SGCZ: variants seen among roughly 807,000 people sequenced by gnomAD.
SGCZ encodes sarcoglycan zeta, also known as zeta-sarcoglycan.
Under a neutral mutation model 41.3 loss-of-function variants are expected in SGCZ, and 40 were observed. That is an observed-to-expected ratio of 0.97 (90% CI 0.75 to 1.26). SGCZ has a LOEUF of 1.26. Ranked by LOEUF, SGCZ falls within the 50% of genes most tolerant of loss-of-function variation. SGCZ has a pLI of 0.00. For synonymous variants in SGCZ, 206 were observed against 137.5 expected, an observed-to-expected ratio of 1.50 and a Z score of -3.49; for missense variants, 552 against 369.8, an observed-to-expected ratio of 1.49 and a Z score of -4.04.
At chr8:14,586,557 G>A (rs1372701858) in intron 1 of SGCZ, among the ~76,000 whole-genome samples, 2 of 152,020 alleles carry the variant, frequency 1.3e-5, no homozygotes, top group African/African-American at 2.4e-5. Flanking sequence ...ATCATTTTAA[G>A]CATTTTTAAT....
intron 4 of SGCZ, among the ~76,000 whole-genome samples, chr8:14,189,659 A>T (rs759586848): frequency 1.1e-4 from 16 of 152,184 alleles, no homozygotes; most frequent in African/African-American, 3.9e-4. Context: ...CTCTCTAGAG[A>T]AACTTGCTAT....
At chr8:14,310,253 T>C (rs1801491430) in intron 3 of SGCZ, among the ~76,000 whole-genome samples, 1 of 152,188 alleles carries the variant, frequency 6.6e-6, no homozygotes, top group Non-Finnish European at 1.5e-5. Context: ...GTTTTGCTTT[T>C]GTTTTTTTCC....
chr8:14,933,487 A>C (rs969595669), intron 1 of SGCZ, among the ~76,000 whole-genome samples: 1 of 138,962 alleles, frequency 7.2e-6, no homozygotes, highest in Admixed American at 8.0e-5. Context: ...GCTGGAGTGC[A>C]GTCGCACCAT....
chr8:15,097,828 A>G (rs1806417596), intron 1 of SGCZ, among the ~76,000 whole-genome samples: 1 of 77,584 alleles, frequency 1.3e-5, no homozygotes, highest in African/African-American at 5.2e-5. Context: ...GTGTGTATAT[A>G]TATATACGTG....
At chr8:14,147,939 G>C (rs1803578370) in intron 5 of SGCZ, among the ~76,000 whole-genome samples, 1 of 152,048 alleles carries the variant, frequency 6.6e-6, no homozygotes, top group African/African-American at 2.4e-5. Context: ...ATTAAACCAT[G>C]TGCTCCTCAA....
chr8:14,644,489 T>C (rs1433082238), intron 1 of SGCZ, among the ~76,000 whole-genome samples: 4 of 143,742 alleles, frequency 2.8e-5, no homozygotes. Context: ...TTTACAGTTG[T>C]GCCAGCCAAT....
intron 2 of SGCZ, among the ~76,000 whole-genome samples, chr8:14,551,116 C>CTT (rs75142255): frequency 3.3e-4 from 46 of 137,586 alleles, no homozygotes; most frequent in Middle Eastern, 3.8e-3. Context: ...TATTGTAATT[C>CTT]TTTTTTTTTT....
intron 4 of SGCZ, among the ~76,000 whole-genome samples, chr8:14,211,650 GGAGAGAGAGA>G (rs35869144): frequency 6.7e-6 from 1 of 149,960 alleles, no homozygotes; most frequent in African/African-American, 2.5e-5. Context: ...CAATTAAGCA[GGAGAGAGAGA>G]GAGAGAGAGA....
chr8:14,399,370 G>T (rs927322411), intron 2 of SGCZ, among the ~76,000 whole-genome samples: 2 of 152,032 alleles, frequency 1.3e-5, no homozygotes, highest in African/African-American at 4.8e-5. Flanking sequence ...GCATCCACTT[G>T]CTCTTCAATA....
At chr8:14,215,113 G>A (rs992627045) in intron 4 of SGCZ, among the ~76,000 whole-genome samples, 5 of 151,986 alleles carry the variant, frequency 3.3e-5, no homozygotes, top group African/African-American at 1.2e-4. Context: ...AGCACTTCCT[G>A]GTCCTAACAA....
chr8:15,185,358 T>C (rs1800301478), intron 1 of SGCZ, among the ~76,000 whole-genome samples: 1 of 152,184 alleles, frequency 6.6e-6, no homozygotes, highest in Admixed American at 6.5e-5. Context: ...TTAACATAAT[T>C]AGTTCCACCA....
At chr8:14,867,461 T>C (rs1260830082) in intron 1 of SGCZ, among the ~76,000 whole-genome samples, 3 of 152,184 alleles carry the variant, frequency 2.0e-5, no homozygotes, top group African/African-American at 7.2e-5. Flanking sequence ...CCTTTGGGCA[T>C]ACGTCCAGTA....
At chr8:14,818,005 C>A (rs1801958954) in intron 1 of SGCZ, among the ~76,000 whole-genome samples, 1 of 152,120 alleles carries the variant, frequency 6.6e-6, no homozygotes, top group Non-Finnish European at 1.5e-5. Context: ...TTTACTTATC[C>A]CAATAGTCTG....
intron 3 of SGCZ, among the ~76,000 whole-genome samples, chr8:14,291,499 T>C (rs1255180763): frequency 1.3e-5 from 2 of 151,982 alleles, no homozygotes; most frequent in Non-Finnish European, 2.9e-5. Context: ...GCTGGTACCA[T>C]ACTCTTGAAC....
chr8:14,290,976 T>C (rs1362825380), intron 3 of SGCZ, among the ~76,000 whole-genome samples: 2 of 152,096 alleles, frequency 1.3e-5, no homozygotes, highest in Admixed American at 1.3e-4. Context: ...AAAGAAAGTA[T>C]TGTAAATATG....
At chr8:15,027,752 A>T (rs945850644) in intron 1 of SGCZ, among the ~76,000 whole-genome samples, 6 of 152,020 alleles carry the variant, frequency 3.9e-5, no homozygotes, top group Non-Finnish European at 7.4e-5. Flanking sequence ...GACTAGTTTC[A>T]ATTTGTGACC....
intron 1 of SGCZ, among the ~76,000 whole-genome samples, chr8:14,901,591 C>T (rs192624175): frequency 8.6e-4 from 131 of 152,080 alleles, no homozygotes; most frequent in African/African-American, 2.4e-3. Flanking sequence ...GTTCTTCACA[C>T]ATTTTGGGGT....
chr8:14,970,949 T>C (rs1227055179), intron 1 of SGCZ, among the ~76,000 whole-genome samples: 1 of 152,194 alleles, frequency 6.6e-6, no homozygotes, highest in Non-Finnish European at 1.5e-5. Context: ...CTCTATAATA[T>C]AGGTATTTTT....
Position 14,237,689 on chromosome 8 carries a change from A to G in SGCZ, c.337-10T>C, listed in dbSNP as rs201836107. 5.1e-4 allele frequency: 812 copies of G among 1,600,234 alleles called. 1 individual carries two copies. The highest frequency in any genetic ancestry group is 1.2e-3 in the Middle Eastern group (7 of 5,996). Reference sequence around the variant, plus strand: ...AGACCAGCGGACTATCCTGGGAAACATGTATAAAATAAATAAATAGAAAAT... The same window carrying G: ...AGACCAGCGGACTATCCTGGGAAACGTGTATAAAATAAATAAATAGAAAAT... On this transcript the variant is annotated splice_polypyrimidine_tract_variant and intron_variant, in intron 3 of 7. Transcript: ENST00000382080.
Sources: allele counts gnomAD v4.1 joint callset (sites outside exome capture counted in the v4.1 genomes callset), GRCh38; gene constraint gnomAD v4.1.1; transcripts MANE v1.5; gene names NCBI Gene and HGNC (gene_info 2026-07-23, HGNC 2026-07-21).